MTAP: variants seen among roughly 807,000 people sequenced by gnomAD.
MTAP encodes the protein methylthioadenosine phosphorylase, also known as S-methyl-5'-thioadenosine phosphorylase.
A neutral mutation model predicts 33.6 loss-of-function variants in MTAP; 33 were observed. That is an observed-to-expected ratio of 0.98 (90% CI 0.74 to 1.31). The LOEUF (loss-of-function observed/expected upper bound fraction) is 1.31, where lower values mean the gene tolerates loss of function less well. Ranked by LOEUF, MTAP falls within the 40% of genes most tolerant of loss-of-function variation. The pLI, the probability that MTAP is intolerant of heterozygous loss-of-function variation, is 0.00. For missense variants in MTAP, 367 were observed against 360.0 expected (o/e 1.02, Z -0.16); for synonymous variants, 148 against 125.7 (o/e 1.18, Z -1.19).
At chr9:21,931,952 G>A (rs1818966193), downstream of MTAP, 1 of 152,172 alleles carries the variant, frequency 6.6e-6, no homozygotes, top group African/African-American at 2.4e-5. Context: ...GATAACTTGA[G>A]CCCAGAAGGT....
At chr9:21,905,246 A>G (rs928487167) in intron 1 of MTAP, among the ~76,000 whole-genome samples, 2 of 152,122 alleles carry the variant, frequency 1.3e-5, no homozygotes, top group African/African-American at 4.8e-5. Context: ...TGAGTCGTGG[A>G]AGTAGCTCTC....
intron 4 of MTAP, among the ~76,000 whole-genome samples, chr9:21,827,156 T>C (rs1381622512): frequency 6.6e-6 from 1 of 152,188 alleles, no homozygotes; most frequent in Non-Finnish European, 1.5e-5. Context: ...CCTCTCAGAA[T>C]GCTCTGGGTG....
chr9:21,808,159 C>G (rs1274303207), intron 1 of MTAP, among the ~76,000 whole-genome samples: 1 of 152,234 alleles, frequency 6.6e-6, no homozygotes, highest in Non-Finnish European at 1.5e-5. Context: ...CAGATGTCCA[C>G]CGAAGTTTGA....
At chr9:21,899,290 A>C (rs1818349098) in intron 1 of MTAP, among the ~76,000 whole-genome samples, 1 of 151,662 alleles carries the variant, frequency 6.6e-6, no homozygotes, top group Non-Finnish European at 1.5e-5. Context: ...GTAAATGACA[A>C]GTTAACGGGT....
chr9:21,822,606 G>A (rs1824674598), intron 4 of MTAP, among the ~76,000 whole-genome samples: 1 of 152,226 alleles, frequency 6.6e-6, no homozygotes, highest in Non-Finnish European at 1.5e-5. Flanking sequence ...TGTATATTCT[G>A]TTGATTTGGG....
intron 1 of MTAP, among the ~76,000 whole-genome samples, chr9:21,921,257 T>A (rs1169696625): frequency 6.6e-6 from 1 of 152,082 alleles, no homozygotes; most frequent in East Asian, 1.9e-4. Context: ...TTGTTAACTC[T>A]CCCTTTTTGT....
chr9:21,879,416 C>T (rs1015473206), intron 1 of MTAP, among the ~76,000 whole-genome samples: 2 of 152,076 alleles, frequency 1.3e-5, no homozygotes, highest in Non-Finnish European at 2.9e-5. Context: ...TATTTTCCGC[C>T]ATCCCTTTAT....
rs1020757334 is a variant in MTAP, at chr9:21,803,036, A to ACACACACACACACACC, written c.33+256_33+257insACACACACACACACCC. 1.0e-4 allele frequency: 105 copies of ACACACACACACACACC among 1,039,788 alleles called. 1 individual carries two copies. Among genetic ancestry groups the ACACACACACACACACC allele is most frequent in the African/African-American group, 6.4e-4 (35 of 54,730 alleles). 64.4% of individuals were successfully genotyped at this position (1,039,788 alleles called of 1,614,324 possible). A position where few individuals can be genotyped will look rare whatever the true frequency, so the allele number is the denominator to read the frequency against. On this transcript the variant is annotated intron_variant, in intron 1 of 7. Coordinates refer to ENST00000644715, the MANE Select transcript of MTAP (RefSeq NM_002451.4). ...CACACACACACACACACACACACAC[A>ACACACACACACACACC]CCACCTTTTGGCTTATCTGCACCCG... is the stretch of plus-strand genomic sequence containing the variant.
chr9:21,841,949 A>G lies in MTAP; in HGVS notation c.450+3939A>G, dbSNP rs1481702667. On this transcript the variant is annotated intron_variant, in intron 5 of 7. Coordinates refer to ENST00000644715, the MANE Select transcript of MTAP (RefSeq NM_002451.4). ...GAGGAAATCTCTGAATTGCCAGATA[A>G]GGAATTCAGAAGATTGGTTATTAAG... Among the ~76,000 whole-genome samples, 10 of 152,384 alleles carry G rather than the reference A, an allele frequency of 6.6e-5. 1 individual carries two copies. The East Asian group carries it at 1.7e-3, about 26-fold the overall frequency.
intron 1 of MTAP, chr9:21,892,273 A>G (rs891680031): frequency 1.3e-5 from 2 of 152,216 alleles, no homozygotes; most frequent in Non-Finnish European, 2.9e-5. Flanking sequence ...ACATAGTAAT[A>G]TTAACCTTGA....
At chr9:21,876,360 C>T (rs1444097809) in intron 1 of MTAP, among the ~76,000 whole-genome samples, 1 of 152,114 alleles carries the variant, frequency 6.6e-6, no homozygotes, top group Non-Finnish European at 1.5e-5. Context: ...TGTGCAGAAG[C>T]TCTTAAGTTT....
intron 5 of MTAP, among the ~76,000 whole-genome samples, chr9:21,851,686 C>T (rs891078865): frequency 1.3e-5 from 2 of 152,108 alleles, no homozygotes; most frequent in Non-Finnish European, 2.9e-5. Context: ...CTGGGTGTGT[C>T]TGTGAGGGTG....
intron 1 of MTAP, among the ~76,000 whole-genome samples, chr9:21,915,131 G>C (rs1035406107): frequency 3.4e-5 from 5 of 149,242 alleles, no homozygotes; most frequent in South Asian, 2.1e-4. Context: ...CACCCAGCCT[G>C]GAGTGCAGTG....
intron 4 of MTAP, among the ~76,000 whole-genome samples, chr9:21,820,714 T>C (rs577297853): frequency 1.3e-5 from 2 of 152,134 alleles, no homozygotes; most frequent in East Asian, 1.9e-4. Context: ...ATCTATAAAT[T>C]ACCTATGGCC....
intron 5 of MTAP, among the ~76,000 whole-genome samples, chr9:21,849,200 A>G (rs1171410786): frequency 6.6e-6 from 1 of 152,172 alleles, no homozygotes; most frequent in Non-Finnish European, 1.5e-5. Flanking sequence ...ACCCCACTAT[A>G]TTACCAACAA....
intron 1 of MTAP, among the ~76,000 whole-genome samples, chr9:21,906,797 C>G (rs1429733071): frequency 6.6e-6 from 1 of 152,004 alleles, no homozygotes; most frequent in African/African-American, 2.4e-5. Context: ...ATGTCAGTAG[C>G]AGTAATACAG....
intron 1 of MTAP, among the ~76,000 whole-genome samples, chr9:21,877,349 T>A (rs929159108): frequency 2.6e-5 from 4 of 152,156 alleles, no homozygotes; most frequent in African/African-American, 7.2e-5. Context: ...TGCTCTCTAT[T>A]TCTTGCTCTT....
In MTAP at chr9:21,864,033, A is replaced by G. The variant is rs771371029; in HGVS notation, c.*2019A>G. On this transcript the variant is annotated 3_prime_UTR_variant, in exon 8 of 8. Coordinates refer to ENST00000644715, the MANE Select transcript of MTAP (RefSeq NM_002451.4). ...AACGTGTGATTGTTTTCACTACAAT[A>G]TGATACATAGATGGTACCTTACTTT... The G allele has an allele frequency of 1.0e-6, 1 of 985,616 alleles. No homozygotes were observed. The highest frequency in any genetic ancestry group is 1.2e-6 in the Non-Finnish European group (1 of 829,930). The allele number at this position is 985,616 out of a possible 1,614,324, so 61.1% of individuals were successfully genotyped here.
chr9:21,859,748 C>G (rs762310340), intron 7 of MTAP: 13 of 181,530 alleles, frequency 7.2e-5, no homozygotes, highest in East Asian at 1.4e-4. Context: ...ATATCGCTTA[C>G]ATTGTTGACA....
Sources: allele counts gnomAD v4.1 joint callset (sites outside exome capture counted in the v4.1 genomes callset), GRCh38; gene constraint gnomAD v4.1.1; transcripts MANE v1.5; gene names NCBI Gene and HGNC (gene_info 2026-07-23, HGNC 2026-07-21).